DPYSL5: variants seen among roughly 807,000 people sequenced by gnomAD.
DPYSL5 encodes the protein dihydropyrimidinase-related protein 5.
DPYSL5 carries 9 observed loss-of-function variants against 58.4 expected under a neutral mutation model. The observed-to-expected ratio is 0.15, with a 90% CI of 0.09 to 0.27. The LOEUF (loss-of-function observed/expected upper bound fraction) is 0.27, where lower values mean the gene tolerates loss of function less well. DPYSL5 is among the 10% of genes least tolerant of loss of function. The probability of loss-of-function intolerance (pLI) is 1.00; values close to 1 mark genes in which losing one functional copy is unlikely to be tolerated. For missense variants in DPYSL5, 499 were observed against 770.6 expected, an observed-to-expected ratio of 0.65 and a Z score of 4.17; for synonymous variants, 293 against 301.9, an observed-to-expected ratio of 0.97 and a Z score of 0.31.
At chr2:26,865,551 G>A (rs965415763) in intron 1 of DPYSL5, among the ~76,000 whole-genome samples, 2 of 152,000 alleles carry the variant, frequency 1.3e-5, no homozygotes, top group Non-Finnish European at 2.9e-5. Flanking sequence ...CTGACCTCGT[G>A]ATCCTTCCGT....
Position 26,925,903 on chromosome 2 carries a change from T to C in DPYSL5, c.420+858T>C, listed in dbSNP as rs1664818872. The stretch of plus-strand genomic sequence containing the variant: ...TCATAAAAATAATAAGCATTATTAG[T>C]TTTACCAACTCAGGAACTGCCTCTT... On this transcript the variant is annotated intron_variant, in intron 3 of 12. Transcript: ENST00000288699. This position sits in a 1 kb window ranked among gnomAD's most constrained non-coding sequence, Gnocchi z 4.5. Among the ~76,000 whole-genome samples, 1 of 152,206 alleles carries C rather than the reference T, an allele frequency of 6.6e-6. No homozygotes were observed. Among genetic ancestry groups the C allele is most frequent in the Admixed American group, 6.5e-5 (1 of 15,292 alleles).
intron 2 of DPYSL5, among the ~76,000 whole-genome samples, chr2:26,920,697 G>A (rs1403668503): frequency 3.9e-5 from 6 of 152,162 alleles, no homozygotes; most frequent in East Asian, 1.9e-4. Flanking sequence ...CTCGGGAGGC[G>A]GAGGTTGCAG....
At position 26,882,404 on chromosome 2, in the gene DPYSL5, C is replaced by T. The variant is rs1663592942; in HGVS notation, c.-4-16092C>T. The stretch of plus-strand genomic sequence containing the variant: ...GGGACTACAGGCGCACACCACCATG[C>T]CCAGCTTATTGTGTGTGTGTGTGTC... On this transcript the variant is annotated intron_variant, in intron 1 of 12. Transcript: ENST00000288699. Among the ~76,000 whole-genome samples, 3 of 149,088 alleles carry T rather than the reference C, an allele frequency of 2.0e-5. No homozygotes were observed. The Admixed American group carries it at 2.0e-4, about 10-fold the overall frequency.
intron 1 of DPYSL5, among the ~76,000 whole-genome samples, chr2:26,881,584 C>T (rs549577597): frequency 4.6e-5 from 7 of 152,246 alleles, no homozygotes; most frequent in Middle Eastern, 3.4e-3. Flanking sequence ...GAAAGACAGC[C>T]GGCAGGAGCA....
chr2:26,940,177 G>A lies in DPYSL5; in HGVS notation c.1089+5G>A, dbSNP rs2148174296. On this transcript the variant is annotated splice_donor_5th_base_variant and intron_variant, in intron 9 of 12. Coordinates refer to ENST00000288699, the MANE Select transcript of DPYSL5 (RefSeq NM_020134.4). ...GTCATCTGGGAGAGAGGAGTGGTAT[G>A]TTTCCTAGAGCCCCGCCCCGATCTG... 1.5e-5 allele frequency: 25 copies of A among 1,613,556 alleles called. No homozygotes were observed. Among genetic ancestry groups the A allele is most frequent in the Non-Finnish European group, 2.1e-5 (25 of 1,179,916 alleles).
At chr2:26,881,080 T>C (rs1663547768) in intron 1 of DPYSL5, among the ~76,000 whole-genome samples, 1 of 152,190 alleles carries the variant, frequency 6.6e-6, no homozygotes, top group African/African-American at 2.4e-5. Context: ...GACACCTACT[T>C]GACAGCTGGG....
At chr2:26,926,632 AT>A (rs1348688738) in intron 3 of DPYSL5, among the ~76,000 whole-genome samples, 1 of 152,162 alleles carries the variant, frequency 6.6e-6, no homozygotes, top group African/African-American at 2.4e-5. Flanking sequence ...CAGAGTAGCT[AT>A]TTTGCATAGG....
intron 2 of DPYSL5, among the ~76,000 whole-genome samples, chr2:26,917,517 G>A (rs1002483464): frequency 2.2e-4 from 34 of 151,434 alleles, no homozygotes; most frequent in Admixed American, 9.2e-4. Context: ...GTATTTGACA[G>A]AAGGTGCTGG....
At chr2:26,848,719 C>T (rs1665662400) in intron 1 of DPYSL5, among the ~76,000 whole-genome samples, 1 of 152,216 alleles carries the variant, frequency 6.6e-6, no homozygotes. Flanking sequence ...AGATACACAC[C>T]CTCCGTCCTT....
intron 1 of DPYSL5, among the ~76,000 whole-genome samples, chr2:26,850,051 G>A (rs1233167389): frequency 6.6e-6 from 1 of 152,244 alleles, no homozygotes; most frequent in Non-Finnish European, 1.5e-5. Flanking sequence ...TGCCGAGGCG[G>A]CCGTAGTCTA....
chr2:26,909,773 CAA>C (rs35016575), intron 2 of DPYSL5, among the ~76,000 whole-genome samples: 1 of 147,216 alleles, frequency 6.8e-6, no homozygotes, highest in East Asian at 2.0e-4. Flanking sequence ...TGTCTAAAAA[CAA>C]AAAAAAAATT....
rs1017922030 is a variant in DPYSL5 at position 26,927,586 on chromosome 2, G to A, written c.600+154G>A. 2.0e-5 allele frequency among the ~76,000 whole-genome samples: 3 copies of A among 152,206 alleles called. No individual in the cohort carries two copies. Among genetic ancestry groups the A allele is most frequent in the Non-Finnish European group, 4.4e-5 (3 of 68,032 alleles). ...TGGACACCCCAGCTGTCAGATCTTG[G>A]TCAGAAAATCCAAACTTTACTACTG... On this transcript the variant is annotated intron_variant, in intron 4 of 12. Transcript: ENST00000288699. This position sits in a 1 kb window ranked among gnomAD's most constrained non-coding sequence, Gnocchi z 4.3.
chr2:26,940,032 G>A lies in DPYSL5; in HGVS notation c.949G>A (p.Asp317Asn). ...STYLMSLLANDTLNIVASDHR... is the reference protein window; with the variant it reads ...STYLMSLLANNTLNIVASDHR... ...GGTCACCTCCTTTTCTCTACCCAGT[G>A]ACACTCTGAACATCGTGGCATCAGA... Residue 317 changes from aspartate (D) to asparagine (N), a missense_variant and splice_region_variant, in exon 9 of 13, where the codon GAC (aspartate) becomes AAC (asparagine). Asp to Asn is a conservative substitution (Grantham distance 23). Coordinates refer to ENST00000288699, the MANE Select transcript of DPYSL5 (RefSeq NM_020134.4). The A allele has an allele frequency of 1.2e-6, 2 of 1,614,040 alleles. No homozygotes were observed. The highest frequency in any genetic ancestry group is 1.7e-6 in the Non-Finnish European group (2 of 1,180,018).
intron 2 of DPYSL5, among the ~76,000 whole-genome samples, chr2:26,907,230 T>C (rs1479046712): frequency 6.6e-6 from 1 of 152,136 alleles, no homozygotes; most frequent in Non-Finnish European, 1.5e-5. Flanking sequence ...TTCCCCTGTC[T>C]CAGCCTCCCA....
chr2:26,943,690 C>G (rs1665385190), intron 11 of DPYSL5, among the ~76,000 whole-genome samples: 1 of 152,210 alleles, frequency 6.6e-6, no homozygotes, highest in African/African-American at 2.4e-5. Flanking sequence ...TTCGTCTGCT[C>G]TCCTGCAACT....
chr2:26,903,403 C>G (rs1404440074), intron 2 of DPYSL5, among the ~76,000 whole-genome samples: 1 of 152,184 alleles, frequency 6.6e-6, no homozygotes, highest in Non-Finnish European at 1.5e-5. Flanking sequence ...CTTTCTTGCA[C>G]AAAATCAAAA....
rs1032121183 is a variant in DPYSL5 at position 26,934,851 on chromosome 2, T to G, written c.947+117T>G. The G allele has an allele frequency of 1.4e-6, 2 of 1,387,688 alleles. No homozygotes were observed. Among genetic ancestry groups the G allele is most frequent in the Non-Finnish European group, 2.0e-6 (2 of 1,011,360 alleles). The allele number at this position is 1,387,688 out of a possible 1,614,324, so 86.0% of individuals were successfully genotyped here. Reference sequence around the variant, plus strand: ...TTTCATTGTGCCCATAGGATCATTGTGCTTTTCTTACCTTCTCTGAGCCCA... The same window carrying G: ...TTTCATTGTGCCCATAGGATCATTGGGCTTTTCTTACCTTCTCTGAGCCCA... On this transcript the variant is annotated intron_variant, in intron 8 of 12. Transcript: ENST00000288699. This position sits in a 1 kb window ranked among gnomAD's most constrained non-coding sequence, Gnocchi z 4.3.
chr2:26,880,559 G>C (rs187135955), intron 1 of DPYSL5, among the ~76,000 whole-genome samples: 56 of 152,250 alleles, frequency 3.7e-4, no homozygotes, highest in African/African-American at 1.3e-3. Context: ...CCTCATCCCA[G>C]CTTCCTCTCT....
intron 1 of DPYSL5, among the ~76,000 whole-genome samples, chr2:26,862,570 GA>G (rs1327304488): frequency 6.6e-6 from 1 of 152,168 alleles, no homozygotes; most frequent in Non-Finnish European, 1.5e-5. Flanking sequence ...TTTGCCCCAG[GA>G]AGCCATTGCA....
Sources: allele counts gnomAD v4.1 joint callset (sites outside exome capture counted in the v4.1 genomes callset), GRCh38; gene constraint gnomAD v4.1.1; non-coding constraint Gnocchi (gnomAD v3.1); transcripts MANE v1.5; gene names NCBI Gene and HGNC (gene_info 2026-07-23, HGNC 2026-07-21).